UBTD2: variants seen among roughly 807,000 people sequenced by gnomAD.
UBTD2 encodes ubiquitin domain containing 2, also known as ubiquitin domain-containing protein 2.
Under a neutral mutation model 19.8 loss-of-function variants are expected in UBTD2, and 9 were observed. The ratio of observed to expected loss-of-function variants is 0.46; its 90% CI spans 0.27 to 0.79. UBTD2 has a LOEUF of 0.79. UBTD2 is among the 30% of genes least tolerant of loss of function. UBTD2 has a pLI of 0.14. For synonymous variants in UBTD2, 98 were observed against 103.9 expected (o/e 0.94, Z 0.35); for missense variants, 250 against 300.4 (o/e 0.83, Z 1.24).
At chr5:172,219,735 G>GA (rs1403108966) in intron 2 of UBTD2, among the ~76,000 whole-genome samples, 2 of 151,918 alleles carry the variant, frequency 1.3e-5, no homozygotes, top group African/African-American at 2.4e-5. Context: ...TGTAAAGAAG[G>GA]AAAAAAAACT....
At chr5:172,252,771 C>G (rs1755054816) in intron 1 of UBTD2, among the ~76,000 whole-genome samples, 1 of 152,124 alleles carries the variant, frequency 6.6e-6, no homozygotes, top group African/African-American at 2.4e-5. Flanking sequence ...TGGGTTTTTG[C>G]AGTCAAAGCC....
At chr5:172,265,927 G>GT (rs200089104) in intron 1 of UBTD2, among the ~76,000 whole-genome samples, 48,010 of 146,034 alleles carry the variant, frequency 0.33, 7,749 homozygotes, top group South Asian at 0.42. Flanking sequence ...ACCACCCATT[G>GT]TTTTTTTTTT....
rs1331666173 is a variant in UBTD2 at position 172,211,883 on chromosome 5, C to A, written c.652G>T (p.Val218Leu). 6.2e-7 allele frequency: 1 copy of A among 1,614,166 alleles called. No individual in the cohort carries two copies. Among genetic ancestry groups the A allele is most frequent in the Non-Finnish European group, 8.5e-7 (1 of 1,180,024 alleles). The change falls in exon 3 of 3, where the codon GTA becomes TTA. Residue 218 changes from valine (V) to leucine (L), a missense_variant. Transcript: ENST00000393792. ...ACAGGTTGGCTCACTATAACCTGTA[C>A]AACATAGTCCTTTGGGATCTTCAGC... Reference protein sequence around the residue: ...EELKIPKDYVVQVIVSQPVQN... With the variant: ...EELKIPKDYVLQVIVSQPVQN...
chr5:172,223,826 C>T (rs1210790674), intron 2 of UBTD2, among the ~76,000 whole-genome samples: 1 of 151,944 alleles, frequency 6.6e-6, no homozygotes, highest in Non-Finnish European at 1.5e-5. Context: ...GGGATTGGTT[C>T]TCAGATTAGT....
At chr5:172,249,359 A>G (rs1036577414) in intron 1 of UBTD2, among the ~76,000 whole-genome samples, 3 of 138,124 alleles carry the variant, frequency 2.2e-5, no homozygotes, top group Non-Finnish European at 4.6e-5. Context: ...AGATTGCACC[A>G]CTGCACTCCA....
intron 1 of UBTD2, among the ~76,000 whole-genome samples, chr5:172,239,097 T>C (rs544397708): frequency 6.6e-6 from 1 of 150,688 alleles, no homozygotes; most frequent in East Asian, 2.0e-4. Context: ...CAAAAAAAAA[T>C]AGGGATATGG....
chr5:172,269,053 CAA>C (rs923317109), intron 1 of UBTD2, among the ~76,000 whole-genome samples: 1 of 149,816 alleles, frequency 6.7e-6, no homozygotes, highest in Non-Finnish European at 1.5e-5. Context: ...CAGTTAAGTG[CAA>C]AAAAAAGAGA....
chr5:172,248,461 C>T (rs1225240816), intron 1 of UBTD2, among the ~76,000 whole-genome samples: 1 of 151,804 alleles, frequency 6.6e-6, no homozygotes, highest in Non-Finnish European at 1.5e-5. Context: ...GGCGGCACAC[C>T]CCCGTAGTCC....
At chr5:172,282,493 G>C (rs72846911) in intron 1 of UBTD2, among the ~76,000 whole-genome samples, 5,114 of 152,264 alleles carry the variant, frequency 0.034, 98 homozygotes, top group African/African-American at 0.055. Context: ...TTTGTGAAGA[G>C]AGCTTAAGTG....
intron 2 of UBTD2, among the ~76,000 whole-genome samples, chr5:172,221,929 G>GGGA (rs1336418903): frequency 2.6e-5 from 4 of 152,202 alleles, no homozygotes; most frequent in African/African-American, 9.6e-5. Context: ...TTGATACTGG[G>GGGA]GGAGGCTATG....
chr5:172,223,841 G>A (rs1771704041), intron 2 of UBTD2, among the ~76,000 whole-genome samples: 1 of 152,134 alleles, frequency 6.6e-6, no homozygotes, highest in African/African-American at 2.4e-5. Flanking sequence ...ATTAGTTAAT[G>A]AGAAGGAGAA....
chr5:172,212,359 T>A, intron 2 of UBTD2, 132 bp from the exon 3 acceptor site: 3 of 930,402 alleles, frequency 3.2e-6, no homozygotes, highest in Non-Finnish European at 4.6e-6. Flanking sequence ...CAGCTGATCA[T>A]CAATGATTAT....
chr5:172,275,138 C>T (rs1236953291), intron 1 of UBTD2, among the ~76,000 whole-genome samples: 2 of 152,150 alleles, frequency 1.3e-5, no homozygotes, highest in Non-Finnish European at 2.9e-5. Context: ...CTTACAATCA[C>T]GGTGGAAGGG....
intron 1 of UBTD2, among the ~76,000 whole-genome samples, chr5:172,263,265 A>C (rs1217551239): frequency 1.3e-5 from 2 of 152,176 alleles, no homozygotes; most frequent in Non-Finnish European, 2.9e-5. Flanking sequence ...CACTGCTTAT[A>C]AATCACTGTT....
chr5:172,226,715 T>C lies in UBTD2; in HGVS notation c.307+7407A>G, dbSNP rs10064066. 4.3e-3 allele frequency among the ~76,000 whole-genome samples: 656 copies of C among 152,298 alleles called. 7 individuals are homozygous for C. Among genetic ancestry groups the C allele is most frequent in the African/African-American group, 0.015 (624 of 41,580 alleles). On this transcript the variant is annotated intron_variant, in intron 2 of 2. Transcript: ENST00000393792. ...AGATATTAGGTGCAGTTTTTCAGGA[T>C]TGTAGAGATGCTAACAAATTACAGG...
chr5:172,211,389 A>G lies in UBTD2; in HGVS notation c.*441T>C, dbSNP rs1219170022. On this transcript the variant is annotated 3_prime_UTR_variant, in exon 3 of 3. Coordinates refer to ENST00000393792, the MANE Select transcript of UBTD2 (RefSeq NM_152277.3). ...AAAACAAAACAAAACAAAACAAAAC[A>G]AAAAGGTTAAGTTTTATATCCATTA... 7.0e-6 allele frequency: 1 copy of G among 142,894 alleles called. No individual in the cohort carries two copies. Among genetic ancestry groups the G allele is most frequent in the Non-Finnish European group, 1.6e-5 (1 of 63,596 alleles). 8.9% of individuals were successfully genotyped at this position (142,894 alleles called of 1,614,324 possible). A position where few individuals can be genotyped will look rare whatever the true frequency, so the allele number is the denominator to read the frequency against.
chr5:172,270,451 G>T (rs1755464191), intron 1 of UBTD2, among the ~76,000 whole-genome samples: 1 of 148,768 alleles, frequency 6.7e-6, no homozygotes, highest in Admixed American at 6.7e-5. Flanking sequence ...TGCCTCCCGG[G>T]TTCAAGCAAT....
chr5:172,264,417 T>C (rs982408429), intron 1 of UBTD2, among the ~76,000 whole-genome samples: 1 of 151,638 alleles, frequency 6.6e-6, no homozygotes, highest in African/African-American at 2.4e-5. Context: ...GTGTGGCACC[T>C]ATAATCCCAG....
intron 1 of UBTD2, among the ~76,000 whole-genome samples, chr5:172,271,433 G>GAAA (rs10683593): frequency 1.2e-4 from 15 of 124,630 alleles, no homozygotes; most frequent in African/African-American, 3.0e-4. Flanking sequence ...CACCTCAAAA[G>GAAA]AAAAAAAAAA....
Sources: gnomAD v4.1 joint callset for allele counts (sites outside exome capture counted in the v4.1 genomes callset) on GRCh38, gnomAD v4.1.1 for gene constraint, MANE v1.5 for transcripts, NCBI Gene and HGNC (gene_info 2026-07-23, HGNC 2026-07-21) for gene names.